The following SETD5 variants were observed in gnomAD, a reference collection of about 807,000 sequenced individuals.
SETD5 encodes the protein histone-lysine N-methyltransferase SETD5.
SETD5 carries 44 observed loss-of-function variants against 153.3 expected under a neutral mutation model. The ratio of observed to expected loss-of-function variants is 0.29; its 90% CI spans 0.23 to 0.37. The LOEUF is 0.37. Among genes scored for constraint, SETD5 ranks in the 10% least tolerant of loss-of-function variants. The pLI, the probability that SETD5 is intolerant of heterozygous loss-of-function variation, is 1.00. For synonymous variants in SETD5, 716 were observed against 645.2 expected (o/e 1.11, Z -1.66); for missense variants, 1,544 against 1,768.0 (o/e 0.87, Z 2.27).
At chr3:9,468,298 T>C (rs2044865275) in intron 18 of SETD5, among the ~76,000 whole-genome samples, 1 of 152,146 alleles carries the variant, frequency 6.6e-6, no homozygotes, top group Non-Finnish European at 1.5e-5. Context: ...AACCAATTTA[T>C]CCTTAAATGC....
Position 9,475,612 on chromosome 3 carries a change from C to A in SETD5, c.3850C>A (p.Pro1284Thr), listed in dbSNP as rs764193558. ...YRTTALRPGNPPSHGSSESSL... is the reference protein window; with the variant it reads ...YRTTALRPGNTPSHGSSESSL... ...AACTACTGCACTGAGACCTGGAAAC[C>A]CCCCCTCTCACGGTTCTTCAGAATC... Residue 1284 changes from proline to threonine, a missense_variant, in exon 23 of 23, where the codon CCC (proline) becomes ACC (threonine). Physicochemically the swap from Pro to Thr is conservative, Grantham distance 38. Around this residue, in one of 9 missense-constraint regions of SETD5, gnomAD observed 302 missense variants for 277.6 expected, o/e 1.09. Transcript: ENST00000402198. The A allele has an allele frequency of 8.7e-6, 14 of 1,613,752 alleles. No homozygotes were observed. Among genetic ancestry groups the A allele is most frequent in the African/African-American group, 1.3e-5 (1 of 74,868 alleles).
intron 13 of SETD5, among the ~76,000 whole-genome samples, chr3:9,446,770 C>T (rs2042067557): frequency 6.6e-6 from 1 of 152,106 alleles, no homozygotes; most frequent in East Asian, 1.9e-4. Context: ...GGATTACAGG[C>T]GTGAGCCACT....
chr3:9,424,338 C>T (rs1445277432), intron 1 of SETD5, 129 bp from the exon 2 acceptor site: 5 of 151,916 alleles, frequency 3.3e-5, no homozygotes, highest in South Asian at 4.1e-4. Context: ...GGGTGGTAAA[C>T]GAGATAGTAT....
intron 17 of SETD5, among the ~76,000 whole-genome samples, chr3:9,458,739 G>A (rs1224832752): frequency 6.6e-6 from 1 of 152,128 alleles, no homozygotes; most frequent in African/African-American, 2.4e-5. Context: ...TAATATCCCT[G>A]CTAGCAATCT....
At chr3:9,421,291 C>CT (rs917699637) in intron 1 of SETD5, among the ~76,000 whole-genome samples, 2 of 151,854 alleles carry the variant, frequency 1.3e-5, no homozygotes, top group Admixed American at 1.3e-4. Flanking sequence ...AATATAGTGC[C>CT]TTTTTTTTCT....
intron 17 of SETD5, among the ~76,000 whole-genome samples, chr3:9,459,121 G>A (rs2043612018): frequency 1.3e-5 from 2 of 152,162 alleles, no homozygotes. Context: ...GCTTGAAGTG[G>A]TACCTGGTTG....
intron 7 of SETD5, among the ~76,000 whole-genome samples, chr3:9,438,714 A>G (rs79406838): frequency 1.6e-3 from 244 of 152,296 alleles, no homozygotes; most frequent in African/African-American, 5.6e-3. Flanking sequence ...TTAATTGTAA[A>G]TCAGGGTTTC....
At chr3:9,461,561 GA>G in intron 17 of SETD5, among the ~76,000 whole-genome samples, 1 of 152,236 alleles carries the variant, frequency 6.6e-6, no homozygotes, top group East Asian at 1.9e-4. Flanking sequence ...ATAAAATTTG[GA>G]AACTATATAT....
chr3:9,442,050 A>G (rs1232276165), intron 9 of SETD5, 78 bp from the exon 10 acceptor site: 2 of 954,124 alleles, frequency 2.1e-6, no homozygotes, highest in East Asian at 2.6e-5. Context: ...TTCTCTCAGC[A>G]TATGCTTCAT....
chr3:9,474,683 T>G (rs1289195755), intron 21 of SETD5, 101 bp downstream of exon 21: 3 of 1,500,676 alleles, frequency 2.0e-6, no homozygotes, highest in South Asian at 1.3e-5. Flanking sequence ...CAGTTTCTGA[T>G]GCAGTTGGGC....
intron 21 of SETD5, 27 bp from the exon 22 acceptor site, chr3:9,475,041 T>C (rs761724012): frequency 6.7e-7 from 1 of 1,490,964 alleles, no homozygotes; most frequent in East Asian, 2.5e-5. Flanking sequence ...GCCAAGTTGA[T>C]TTTTTTTTAT....
In SETD5 at chr3:9,464,658, CCT is replaced by C; in HGVS notation, c.2713_2714del (p.Leu905ThrfsTer3). 1 of 1,613,956 alleles carries C rather than the reference CCT, an allele frequency of 6.2e-7. No individual in the cohort carries two copies. Among genetic ancestry groups the C allele is most frequent in the Non-Finnish European group, 8.5e-7 (1 of 1,179,882 alleles). ...TACTACTGCTAGTCGCTGCAACACT[CCT>C]CTACAGTTTGAGGTGATTTGGGTTT... Reference protein sequence around the residue: ...SLTTASRCNTPLQFELCHRKD... With the variant: ...SLTTASRCNTXLQFELCHRKD... On this transcript the variant is annotated frameshift_variant, in exon 18 of 23. Coordinates refer to ENST00000402198, the MANE Select transcript of SETD5 (RefSeq NM_001080517.3). LOFTEE classifies it high-confidence loss of function.
intron 1 of SETD5, among the ~76,000 whole-genome samples, chr3:9,408,000 CA>C (rs35771408): frequency 6.7e-6 from 1 of 149,518 alleles, no homozygotes. Context: ...AACTATGTCT[CA>C]AAAAAAAAAA....
intron 3 of SETD5, chr3:9,430,205 A>G: frequency 1.0e-6 from 1 of 984,810 alleles, no homozygotes. Flanking sequence ...ACAGAATATT[A>G]TTAAAGAGCA....
chr3:9,435,621 G>A, intron 6 of SETD5, 107 bp from the exon 7 acceptor site: 1 of 1,000,236 alleles, frequency 1.0e-6, no homozygotes, highest in Non-Finnish European at 1.4e-6. Flanking sequence ...AGAGTTAATA[G>A]TGGAAGTAAT....
intron 3 of SETD5, chr3:9,430,875 A>T (rs953931858): frequency 1.3e-5 from 13 of 985,290 alleles, no homozygotes; most frequent in African/African-American, 5.2e-5. Context: ...ATATCCTAGG[A>T]TTTCCTGAAA....
chr3:9,473,426 A>T lies in SETD5; in HGVS notation c.3386A>T (p.Lys1129Ile). 6.2e-7 allele frequency: 1 copy of T among 1,613,878 alleles called. No individual in the cohort carries two copies. The highest frequency in any genetic ancestry group is 1.1e-5 in the South Asian group (1 of 91,052). The stretch of plus-strand genomic sequence containing the variant: ...CGAACTCCATCTTCCCCTCACAAAA[A>T]ATTCTCCCCATCTCATTCCTCTATG... ...SARTPSSPHK[K>I]FSPSHSSMSH... The change falls in exon 20 of 23, where the codon AAA (lysine) becomes ATA (isoleucine). Residue 1129 changes from lysine to isoleucine, a missense_variant. Around this residue, in one of 9 missense-constraint regions of SETD5, gnomAD observed 93 missense variants for 93.4 expected, o/e 1.00. Transcript: ENST00000402198.
At chr3:9,450,735 C>T (rs1228500008) in intron 16 of SETD5, among the ~76,000 whole-genome samples, 1 of 152,050 alleles carries the variant, frequency 6.6e-6, no homozygotes, top group Non-Finnish European at 1.5e-5. Flanking sequence ...TTATTTAGAA[C>T]AATGTATATT....
intron 20 of SETD5, among the ~76,000 whole-genome samples, chr3:9,473,876 C>T (rs912579619): frequency 6.6e-6 from 1 of 152,174 alleles, no homozygotes; most frequent in Non-Finnish European, 1.5e-5. Flanking sequence ...AGCCAAGTTC[C>T]ACATGAATTA....
Sources: allele counts gnomAD v4.1 joint callset (sites outside exome capture counted in the v4.1 genomes callset), GRCh38; gene constraint gnomAD v4.1.1; regional missense constraint gnomAD v4.1.1; transcripts MANE v1.5; gene names NCBI Gene and HGNC (gene_info 2026-07-23, HGNC 2026-07-21).